Variants in PLCXD3 observed in about 807,000 individuals in gnomAD.
PLCXD3 encodes the protein phosphatidylinositol specific phospholipase C X domain containing 3, also known as PI-PLC X domain-containing protein 3.
A neutral mutation model predicts 25.5 loss-of-function variants in PLCXD3; 19 were observed. The ratio of observed to expected loss-of-function variants is 0.75; its 90% CI spans 0.52 to 1.09. The LOEUF is 1.09. PLCXD3 is among the 50% of genes least tolerant of loss of function. The probability of loss-of-function intolerance (pLI) is 0.00; values close to 1 mark genes in which losing one functional copy is unlikely to be tolerated. For missense variants in PLCXD3, 411 were observed against 388.1 expected (o/e 1.06, Z -0.50); for synonymous variants, 174 against 137.6 (o/e 1.26, Z -1.85).
chr5:41,414,789 C>T (rs983504385), intron 1 of PLCXD3, among the ~76,000 whole-genome samples: 1 of 152,142 alleles, frequency 6.6e-6, no homozygotes, highest in East Asian at 1.9e-4. Flanking sequence ...CATGAGTCAT[C>T]CCTTTGTCCA....
At chr5:41,408,249 G>A (rs1224188441) in intron 1 of PLCXD3, among the ~76,000 whole-genome samples, 2 of 152,256 alleles carry the variant, frequency 1.3e-5, no homozygotes, top group East Asian at 3.9e-4. Flanking sequence ...TACCAATGCT[G>A]CTCTTTCAAG....
intron 1 of PLCXD3, among the ~76,000 whole-genome samples, chr5:41,477,571 C>T (rs1462817031): frequency 6.6e-6 from 1 of 152,016 alleles, no homozygotes; most frequent in African/African-American, 2.4e-5. Flanking sequence ...TGAACTGGTA[C>T]CCAGGATCAA....
At chr5:41,460,063 G>C (rs1747841173) in intron 1 of PLCXD3, among the ~76,000 whole-genome samples, 1 of 151,868 alleles carries the variant, frequency 6.6e-6, no homozygotes, top group African/African-American at 2.4e-5. Context: ...TACAATTTAG[G>C]AGACCTTTTA....
In PLCXD3 at chr5:41,359,000, T is replaced by C. The variant is rs565815844; in HGVS notation, c.812+22826A>G. Among the ~76,000 whole-genome samples, 11 of 152,260 alleles carry C rather than the reference T, an allele frequency of 7.2e-5. No individual in the cohort carries two copies. In the East Asian group the frequency reaches 2.1e-3, roughly 29 times the overall value. ...ATGTGATTTTTTTCTTTTTAATTCTTTTTATGTGGCGTATCACATTTATTG... is the reference window on the plus strand; with the variant it reads ...ATGTGATTTTTTTCTTTTTAATTCTCTTTATGTGGCGTATCACATTTATTG... On this transcript the variant is annotated intron_variant, in intron 2 of 2. Coordinates refer to ENST00000377801, the MANE Select transcript of PLCXD3 (RefSeq NM_001005473.3).
chr5:41,417,443 T>C (rs546744341), intron 1 of PLCXD3, among the ~76,000 whole-genome samples: 1 of 152,128 alleles, frequency 6.6e-6, no homozygotes, highest in Admixed American at 6.5e-5. Flanking sequence ...CCAAGAGAGG[T>C]TAGAGAAGGC....
At chr5:41,429,545 G>A (rs922377491) in intron 1 of PLCXD3, among the ~76,000 whole-genome samples, 6 of 152,110 alleles carry the variant, frequency 3.9e-5, no homozygotes, top group Non-Finnish European at 7.4e-5. Flanking sequence ...GTGTCTTATA[G>A]GACTGGGATT....
Position 41,309,566 on chromosome 5 carries a change from G to A in PLCXD3, c.*4051C>T, listed in dbSNP as rs1561226589. The A allele has an allele frequency of 6.6e-6, 1 of 152,182 alleles. No homozygotes were observed. Among genetic ancestry groups the A allele is most frequent in the Non-Finnish European group, 1.5e-5 (1 of 68,008 alleles). 9.4% of individuals were successfully genotyped at this position (152,182 alleles called of 1,614,324 possible). On this transcript the variant is annotated 3_prime_UTR_variant, in exon 3 of 3. Transcript: ENST00000377801. The stretch of plus-strand genomic sequence containing the variant: ...ATTGTGTCGTTGGATCTGTAAAACT[G>A]TGAAACTAAAAAACTCATGGAAACA...
chr5:41,492,571 C>A (rs1440016266), intron 1 of PLCXD3, among the ~76,000 whole-genome samples: 1 of 152,238 alleles, frequency 6.6e-6, no homozygotes, highest in Non-Finnish European at 1.5e-5. Context: ...TTCAGGTACA[C>A]CAATCAGACG....
intron 1 of PLCXD3, among the ~76,000 whole-genome samples, chr5:41,477,253 T>C (rs888500643): frequency 6.6e-6 from 1 of 152,210 alleles, no homozygotes; most frequent in Admixed American, 6.5e-5. Context: ...GTAGTCATTG[T>C]AGTTTCTATA....
chr5:41,325,127 A>G (rs1743589264), intron 2 of PLCXD3, among the ~76,000 whole-genome samples: 1 of 152,198 alleles, frequency 6.6e-6, no homozygotes, highest in African/African-American at 2.4e-5. Context: ...TTGTTTCCCC[A>G]TAAAATAGAT....
At chr5:41,406,249 T>C (rs1006272460) in intron 1 of PLCXD3, among the ~76,000 whole-genome samples, 4 of 152,100 alleles carry the variant, frequency 2.6e-5, no homozygotes, top group Admixed American at 2.6e-4. Flanking sequence ...TCAACTTGCT[T>C]CATACTTTTT....
At chr5:41,388,699 T>C (rs994945807) in intron 1 of PLCXD3, among the ~76,000 whole-genome samples, 14 of 152,156 alleles carry the variant, frequency 9.2e-5, no homozygotes, top group Non-Finnish European at 1.3e-4. Flanking sequence ...CTGACACCTA[T>C]ACTTTTATTA....
At chr5:41,438,059 T>A (rs1336881067) in intron 1 of PLCXD3, among the ~76,000 whole-genome samples, 1 of 152,158 alleles carries the variant, frequency 6.6e-6, no homozygotes, top group Non-Finnish European at 1.5e-5. Flanking sequence ...AAAATTCCTA[T>A]CCCTGGGCTT....
chr5:41,482,841 G>C (rs1177267744), intron 1 of PLCXD3, among the ~76,000 whole-genome samples: 1 of 152,152 alleles, frequency 6.6e-6, no homozygotes, highest in Non-Finnish European at 1.5e-5. Flanking sequence ...CCATTCAGTA[G>C]TGTTAATAAT....
intron 2 of PLCXD3, among the ~76,000 whole-genome samples, chr5:41,344,436 A>G (rs904827859): frequency 6.6e-6 from 1 of 152,154 alleles, no homozygotes; most frequent in African/African-American, 2.4e-5. Flanking sequence ...CAACTCGTCA[A>G]TTAAAGAAAT....
chr5:41,491,489 T>G (rs778231910), intron 1 of PLCXD3, among the ~76,000 whole-genome samples: 5 of 152,162 alleles, frequency 3.3e-5, no homozygotes, highest in Non-Finnish European at 5.9e-5. Context: ...TGGGTATCCT[T>G]GTTAACTTTC....
At chr5:41,477,013 C>A (rs1014854246) in intron 1 of PLCXD3, among the ~76,000 whole-genome samples, 1 of 152,128 alleles carries the variant, frequency 6.6e-6, no homozygotes, top group Non-Finnish European at 1.5e-5. Flanking sequence ...TTCCCATTTC[C>A]TGCTGCAACT....
intron 2 of PLCXD3, among the ~76,000 whole-genome samples, chr5:41,368,222 A>G: frequency 6.6e-6 from 1 of 152,058 alleles, no homozygotes; most frequent in Admixed American, 6.6e-5. Flanking sequence ...TTTTATGGCA[A>G]TTATGAATGG....
intron 1 of PLCXD3, among the ~76,000 whole-genome samples, chr5:41,426,728 A>T (rs1561270054): frequency 6.6e-6 from 1 of 152,084 alleles, no homozygotes; most frequent in Non-Finnish European, 1.5e-5. Flanking sequence ...TTACATACAT[A>T]TTTATTAATT....
Sources: allele counts gnomAD v4.1 joint callset (sites outside exome capture counted in the v4.1 genomes callset), GRCh38; gene constraint gnomAD v4.1.1; transcripts MANE v1.5; gene names NCBI Gene and HGNC (gene_info 2026-07-23, HGNC 2026-07-21).